Variants in PCNX2 observed in about 807,000 individuals in gnomAD.
PCNX2 encodes the protein pecanex-like protein 2.
Under a neutral mutation model 223.8 loss-of-function variants are expected in PCNX2, and 168 were observed. The observed-to-expected ratio is 0.75, with a 90% CI of 0.66 to 0.85. PCNX2 has a LOEUF of 0.85. Ranked by LOEUF, PCNX2 falls within the 40% of genes least tolerant of loss-of-function variation. PCNX2 has a pLI of 0.00. For synonymous variants in PCNX2, 1,006 were observed against 1,052.6 expected (o/e 0.96, Z 0.86); for missense variants, 2,507 against 2,675.5 (o/e 0.94, Z 1.39).
At chr1:233,300,601 G>T (rs1662242862), upstream of PCNX2, among the ~76,000 whole-genome samples, 1 of 152,218 alleles carries the variant, frequency 6.6e-6, no homozygotes. Context: ...TAGCTTTGCA[G>T]AGCAGTACAA....
intron 15 of PCNX2, among the ~76,000 whole-genome samples, chr1:233,185,281 C>A (rs1204747016): frequency 2.6e-5 from 4 of 152,126 alleles, no homozygotes; most frequent in African/African-American, 9.7e-5. Flanking sequence ...TTGGAAGGAA[C>A]TTCATAACTG....
In PCNX2 at chr1:233,179,138, G is replaced by A. The variant is rs772878730; in HGVS notation, c.3104C>T (p.Ser1035Leu). The change falls in exon 16 of 34, where the codon TCG (serine) becomes TTG (leucine). Residue 1035 changes from serine to leucine, a missense_variant. Physicochemically the swap from Ser to Leu is moderately radical, Grantham distance 145 (BLOSUM62 -2). This residue lies in a region of PCNX2 where 1,372 missense variants were observed against 1,509.4 expected (regional missense o/e 0.91). Transcript: ENST00000258229. ...WSMQHIPALF[S>L]AFCGLLVALS... ...GGCGACCAAGAGGCCACAGAAGGCC[G>A]AAAACAGTGCCGGGATGTGTTGCAT... 2.2e-5 allele frequency: 35 copies of A among 1,613,794 alleles called. No homozygotes were observed. The highest frequency in any genetic ancestry group is 3.3e-5 in the Admixed American group (2 of 60,006).
chr1:233,188,352 T>C (rs1219004492), intron 15 of PCNX2, among the ~76,000 whole-genome samples: 8 of 152,196 alleles, frequency 5.3e-5, no homozygotes, highest in Admixed American at 5.2e-4. Context: ...TTTGCCATGT[T>C]GCTACCTCCA....
At chr1:233,210,116 G>C (rs1014421771) in intron 12 of PCNX2, among the ~76,000 whole-genome samples, 1 of 151,974 alleles carries the variant, frequency 6.6e-6, no homozygotes, top group African/African-American at 2.4e-5. Context: ...AACTTTACTG[G>C]GCATGGGAAG....
At chr1:233,163,856 G>A (rs758165036) in intron 17 of PCNX2, among the ~76,000 whole-genome samples, 2 of 152,038 alleles carry the variant, frequency 1.3e-5, no homozygotes, top group Non-Finnish European at 2.9e-5. Flanking sequence ...CCATGGTGTC[G>A]TCTGTGTCAA....
At chr1:233,191,840 C>A (rs1381586609) in intron 15 of PCNX2, among the ~76,000 whole-genome samples, 1 of 152,182 alleles carries the variant, frequency 6.6e-6, no homozygotes, top group Non-Finnish European at 1.5e-5. Flanking sequence ...GCAACTCCTG[C>A]TGTCGTAGAG....
chr1:233,237,115 T>C (rs1658471268), intron 8 of PCNX2, 135 bp from the exon 9 acceptor site: 3 of 1,121,442 alleles, frequency 2.7e-6, no homozygotes, highest in Admixed American at 2.7e-5. Context: ...ACATAAACAG[T>C]TAAGAGTTTA....
At chr1:233,123,949 G>C (rs1675952320) in intron 21 of PCNX2, among the ~76,000 whole-genome samples, 1 of 152,132 alleles carries the variant, frequency 6.6e-6, no homozygotes, top group African/African-American at 2.4e-5. Flanking sequence ...AAGTTAATGT[G>C]TAAGTTTTTA....
intron 23 of PCNX2, among the ~76,000 whole-genome samples, chr1:233,086,158 G>T (rs75331280): frequency 0.021 from 3,238 of 152,240 alleles, 42 homozygotes; most frequent in East Asian, 0.042. Context: ...AGAGGTTGAG[G>T]GAGGGAAGGT....
chr1:233,039,439 G>A (rs1430986172), intron 25 of PCNX2, among the ~76,000 whole-genome samples: 1 of 152,130 alleles, frequency 6.6e-6, no homozygotes, highest in Admixed American at 6.5e-5. Flanking sequence ...ACTTTATAGA[G>A]CTGTTATAAG....
chr1:233,141,773 A>ATGTATGTG (rs1553299513), intron 19 of PCNX2, among the ~76,000 whole-genome samples: 2 of 146,284 alleles, frequency 1.4e-5, no homozygotes, highest in African/African-American at 5.1e-5. Context: ...GTATATGTAT[A>ATGTATGTG]TGTGTGTGTG....
At chr1:233,170,949 A>C (rs1679114223) in intron 17 of PCNX2, among the ~76,000 whole-genome samples, 1 of 152,236 alleles carries the variant, frequency 6.6e-6, no homozygotes, top group Admixed American at 6.5e-5. Context: ...AAAATCCGAA[A>C]TGCAAAACAC....
chr1:233,196,355 A>G lies in PCNX2; in HGVS notation c.3066+2584T>C, dbSNP rs138329666. Among the ~76,000 whole-genome samples the G allele has an allele frequency of 3.0e-3, 458 of 152,242 alleles. 11 individuals are homozygous for G. The East Asian group carries it at 0.084, about 28-fold the overall frequency. On this transcript the variant is annotated intron_variant, in intron 15 of 33. Coordinates refer to ENST00000258229, the MANE Select transcript of PCNX2 (RefSeq NM_014801.4). The stretch of plus-strand genomic sequence containing the variant: ...CATAAAAAAAACCCATAAAATAAAT[A>G]TTAGATAAATTGGACTTCATTGTAA...
At position 232,984,306 on chromosome 1, in the gene PCNX2, A is replaced by G; in HGVS notation, c.6412T>C (p.Ter2138ArgextTer120). The change falls in exon 34 of 34, where the codon TGA becomes CGA. Residue 2138 changes from the stop codon to arginine, a stop_lost. Transcript: ENST00000258229. ...ASQQSVSDEQ[*>R] ...CTCCCCGCCCGGCCGCACGCCCGTC[A>G]CTGCTCGTCTGACACACTTTGCTGC... 2 of 1,601,400 alleles carry G rather than the reference A, an allele frequency of 1.2e-6. No individual in the cohort carries two copies. Among genetic ancestry groups the G allele is most frequent in the Non-Finnish European group, 1.7e-6 (2 of 1,174,322 alleles).
intron 1 of PCNX2, among the ~76,000 whole-genome samples, chr1:233,266,037 C>G (rs1039565294): frequency 6.6e-6 from 1 of 152,162 alleles, no homozygotes; most frequent in Admixed American, 6.5e-5. Context: ...CAGGCCCTTG[C>G]CTCATCCTCT....
At chr1:233,271,456 T>G (rs1660631790) in intron 1 of PCNX2, among the ~76,000 whole-genome samples, 1 of 152,222 alleles carries the variant, frequency 6.6e-6, no homozygotes, top group Admixed American at 6.5e-5. Context: ...CTCTGTTTAT[T>G]AAGTGCCCTC....
chr1:233,109,370 G>T (rs1019599603), intron 21 of PCNX2, among the ~76,000 whole-genome samples: 1 of 152,174 alleles, frequency 6.6e-6, no homozygotes, highest in Admixed American at 6.5e-5. Context: ...ATAGTGGAAC[G>T]ATCTGACAGG....
intron 10 of PCNX2, among the ~76,000 whole-genome samples, chr1:233,218,434 T>C (rs561780064): frequency 6.6e-6 from 1 of 151,838 alleles, no homozygotes; most frequent in Admixed American, 6.6e-5. Context: ...TTTTTTTTAG[T>C]AGAGATGGGG....
At chr1:233,130,345 C>G (rs1255734034) in intron 21 of PCNX2, among the ~76,000 whole-genome samples, 4 of 152,126 alleles carry the variant, frequency 2.6e-5, no homozygotes, top group African/African-American at 9.7e-5. Context: ...TATCCACACA[C>G]ATGCAAAGCC....
Sources: allele counts gnomAD v4.1 joint callset (sites outside exome capture counted in the v4.1 genomes callset), GRCh38; gene constraint gnomAD v4.1.1; regional missense constraint gnomAD v4.1.1; transcripts MANE v1.5; gene names NCBI Gene and HGNC (gene_info 2026-07-23, HGNC 2026-07-21).